The following TENM3 variants were observed in gnomAD, a reference collection of about 807,000 sequenced individuals.
The protein encoded by TENM3 is teneurin transmembrane protein 3, also known as teneurin-3.
In TENM3, 63 loss-of-function variants were observed where a neutral mutation model predicts 255.1. The ratio of observed to expected loss-of-function variants is 0.25; its 90% CI spans 0.20 to 0.30. TENM3 has a LOEUF of 0.30. Ranked by LOEUF, TENM3 falls within the 10% of genes least tolerant of loss-of-function variation. The probability of loss-of-function intolerance (pLI) is 1.00; values close to 1 mark genes in which losing one functional copy is unlikely to be tolerated. For missense variants in TENM3, 2,929 were observed against 3,461.1 expected (o/e 0.85, Z 3.86); for synonymous variants, 1,306 against 1,322.3 (o/e 0.99, Z 0.27).
intron 13 of TENM3, among the ~76,000 whole-genome samples, chr4:182,720,742 G>A (rs1385928180): frequency 6.6e-6 from 1 of 151,236 alleles, no homozygotes; most frequent in African/African-American, 2.4e-5. Context: ...AGAGCCACAC[G>A]GGTTGGTACT....
chr4:182,169,167 C>T (rs1751934149), intron 1 of TENM3: 1 of 438,588 alleles, frequency 2.3e-6, no homozygotes, highest in East Asian at 7.1e-5. Context: ...ATCTGTGGTT[C>T]TTGAAAATTA....
intron 3 of TENM3, chr4:182,548,847 T>G (rs1171329207): frequency 6.6e-6 from 1 of 151,742 alleles, no homozygotes; most frequent in Non-Finnish European, 1.5e-5. Flanking sequence ...TCCCTCTCCG[T>G]TTTTCTTACT....
chr4:181,799,892 G>A, the TENM3 span, among the ~76,000 whole-genome samples: 15 of 152,286 alleles, frequency 9.8e-5, no homozygotes, highest in Admixed American at 5.9e-4. Flanking sequence ...ATTAGGAAGT[G>A]GGAATTCAAA....
intron 12 of TENM3, among the ~76,000 whole-genome samples, chr4:182,706,095 C>T (rs1220200003): frequency 6.6e-6 from 1 of 151,890 alleles, no homozygotes; most frequent in Non-Finnish European, 1.5e-5. Flanking sequence ...TTTTTTATTC[C>T]AGTAAATTCC....
At chr4:182,224,038 G>T (rs1755999490) in intron 1 of TENM3, among the ~76,000 whole-genome samples, 1 of 152,182 alleles carries the variant, frequency 6.6e-6, no homozygotes, top group African/African-American at 2.4e-5. Flanking sequence ...AATGATTATG[G>T]TGTGGCTTAT....
chr4:181,533,545 C>T, the TENM3 span, among the ~76,000 whole-genome samples: 3 of 152,076 alleles, frequency 2.0e-5, no homozygotes, highest in African/African-American at 7.2e-5. Flanking sequence ...GAAAAAGAAG[C>T]CCCCAACACC....
intron 24 of TENM3, among the ~76,000 whole-genome samples, chr4:182,777,855 TTA>T (rs112092768): frequency 0.26 from 37,748 of 144,596 alleles, 5,105 homozygotes; most frequent in South Asian, 0.34. Context: ...ATATATGCTG[TTA>T]TATATATATA....
Position 182,753,539 on chromosome 4 carries a change from C to T in TENM3, c.3952C>T (p.Leu1318=). The change falls in exon 21 of 28, where the codon CTG becomes TTG. Residue 1318 remains leucine, a synonymous_variant. Coordinates refer to ENST00000511685, the MANE Select transcript of TENM3 (RefSeq NM_001080477.4). Reference sequence around the variant, plus strand: ...CCAAAATGGAATCATATCAACTCTTCTGGGCTCTAACGATTTGACTTCAGC... The same window carrying T: ...CCAAAATGGAATCATATCAACTCTTTTGGGCTCTAACGATTTGACTTCAGC... ...VDQNGIISTL[L]GSNDLTSARP... The T allele has an allele frequency of 6.2e-7, 1 of 1,613,940 alleles. No individual in the cohort carries two copies. Among genetic ancestry groups the T allele is most frequent in the Non-Finnish European group, 8.5e-7 (1 of 1,179,840 alleles).
intron 13 of TENM3, among the ~76,000 whole-genome samples, chr4:182,724,629 T>C (rs992371251): frequency 3.9e-5 from 6 of 152,200 alleles, no homozygotes; most frequent in Non-Finnish European, 5.9e-5. Flanking sequence ...CAGATGTACA[T>C]TTGCTTTTTA....
chr4:181,906,187 C>A, the TENM3 span: 809 of 244,702 alleles, frequency 3.3e-3, 8 homozygotes, highest in African/African-American at 0.018. Flanking sequence ...AGAAGTTCAT[C>A]ATCTGTTTTC....
At chr4:182,225,101 A>G (rs1446544056) in intron 1 of TENM3, among the ~76,000 whole-genome samples, 2 of 152,004 alleles carry the variant, frequency 1.3e-5, no homozygotes, top group Non-Finnish European at 1.5e-5. Flanking sequence ...GCTTTTTTTC[A>G]TCAGAAGGTG....
the TENM3 span, among the ~76,000 whole-genome samples, chr4:182,011,911 T>C: frequency 6.6e-6 from 1 of 152,098 alleles, no homozygotes; most frequent in Non-Finnish European, 1.5e-5. Context: ...CGGACACCTA[T>C]TTGGAGAAAT....
At chr4:182,705,558 G>A (rs1015157309) in intron 12 of TENM3, among the ~76,000 whole-genome samples, 8 of 152,280 alleles carry the variant, frequency 5.3e-5, no homozygotes, top group South Asian at 4.1e-4. Context: ...CAGTGAAACC[G>A]ACTTGACCTT....
At chr4:182,713,081 G>A (rs1454062327) in intron 12 of TENM3, among the ~76,000 whole-genome samples, 1 of 152,094 alleles carries the variant, frequency 6.6e-6, no homozygotes, top group Non-Finnish European at 1.5e-5. Flanking sequence ...TGTCATGTTA[G>A]ACTGAAACAA....
At chr4:181,703,178 C>T in the TENM3 span, among the ~76,000 whole-genome samples, 6 of 152,270 alleles carry the variant, frequency 3.9e-5, no homozygotes, top group East Asian at 1.9e-4. Context: ...ACTGCCCCGA[C>T]GCACGTTCAC....
chr4:181,776,085 C>T, the TENM3 span, among the ~76,000 whole-genome samples: 10 of 152,058 alleles, frequency 6.6e-5, no homozygotes, highest in African/African-American at 2.4e-4. Context: ...CCCAACACAC[C>T]TTTTTCCACT....
chr4:181,997,821 T>C, the TENM3 span, among the ~76,000 whole-genome samples: 1 of 152,234 alleles, frequency 6.6e-6, no homozygotes, highest in South Asian at 2.1e-4. Context: ...AAAAGGTCTA[T>C]GTTACTTTCA....
chr4:182,059,763 G>A, the TENM3 span, among the ~76,000 whole-genome samples: 1,686 of 85,922 alleles, frequency 0.02, 10 homozygotes, highest in Middle Eastern at 0.055. Context: ...AAAAAAAAAA[G>A]AAAAAAAAAA....
At chr4:182,480,203 C>G (rs1446243614) in intron 3 of TENM3, among the ~76,000 whole-genome samples, 1 of 151,886 alleles carries the variant, frequency 6.6e-6, no homozygotes, top group African/African-American at 2.4e-5. Flanking sequence ...TTATTTTGGT[C>G]ATGCTAAGCT....
Sources: allele counts gnomAD v4.1 joint callset (sites outside exome capture counted in the v4.1 genomes callset), GRCh38; gene constraint gnomAD v4.1.1; transcripts MANE v1.5; gene names NCBI Gene and HGNC (gene_info 2026-07-23, HGNC 2026-07-21).